The following CACNA2D1 variants were observed in gnomAD, a reference collection of about 807,000 sequenced individuals.
CACNA2D1 encodes the protein voltage-dependent calcium channel subunit alpha-2/delta-1.
Under a neutral mutation model 171.5 loss-of-function variants are expected in CACNA2D1, and 53 were observed. The observed-to-expected ratio is 0.31, with a 90% confidence interval of 0.25 to 0.39. The LOEUF (loss-of-function observed/expected upper bound fraction) is 0.39. Among genes scored for constraint, CACNA2D1 ranks in the 10% least tolerant of loss-of-function variants. The probability of loss-of-function intolerance (pLI) is 1.00; values close to 1 mark genes in which losing one functional copy is unlikely to be tolerated. For synonymous variants in CACNA2D1, 442 were observed against 443.1 expected (o/e 1.00, Z 0.03); for missense variants, 903 against 1,299.8 (o/e 0.69, Z 4.69).
At chr7:82,095,989 A>G (rs1393971588) in intron 6 of CACNA2D1, among the ~76,000 whole-genome samples, 1 of 152,240 alleles carries the variant, frequency 6.6e-6, no homozygotes, top group Non-Finnish European at 1.5e-5. Flanking sequence ...GTCAGTGAAT[A>G]TCACTATGAA....
chr7:82,326,375 G>T (rs1184707373), intron 3 of CACNA2D1, among the ~76,000 whole-genome samples: 1 of 152,144 alleles, frequency 6.6e-6, no homozygotes, highest in Non-Finnish European at 1.5e-5. Flanking sequence ...GATGTTAAGT[G>T]AGAACTTACT....
chr7:82,349,726 G>A (rs920930384), intron 1 of CACNA2D1, 77 bp from the exon 2 acceptor site: 9 of 1,102,966 alleles, frequency 8.2e-6, no homozygotes, highest in Admixed American at 3.4e-5. Flanking sequence ...TTATATCCAC[G>A]CTACAGATAA....
intron 6 of CACNA2D1, among the ~76,000 whole-genome samples, chr7:82,086,830 A>G (rs1463910129): frequency 6.6e-6 from 1 of 152,066 alleles, no homozygotes; most frequent in Admixed American, 6.6e-5. Context: ...GTTTTGTTTG[A>G]TAACTCAACA....
At chr7:82,118,426 C>A (rs1272300094) in intron 5 of CACNA2D1, among the ~76,000 whole-genome samples, 2 of 151,946 alleles carry the variant, frequency 1.3e-5, no homozygotes, top group Non-Finnish European at 2.9e-5. Flanking sequence ...GAGAAAAAAT[C>A]CTATTTGTTT....
chr7:82,075,493 C>T (rs1206976477), intron 7 of CACNA2D1, among the ~76,000 whole-genome samples: 1 of 152,130 alleles, frequency 6.6e-6, no homozygotes, highest in Non-Finnish European at 1.5e-5. Context: ...GGAGGATTTA[C>T]TGGGAAATGA....
rs537162349 is a variant in CACNA2D1 at position 81,978,960 on chromosome 7, C to T, written c.1955+3607G>A. Among the ~76,000 whole-genome samples, 29 of 150,438 alleles carry T rather than the reference C, an allele frequency of 1.9e-4. No individual in the cohort carries two copies. In the East Asian group the frequency reaches 5.1e-3, roughly 27 times the overall value. On this transcript the variant is annotated intron_variant, in intron 24 of 38. Transcript: ENST00000356860. ...CTTCCCTAAACACGTAAGTAAATTT[C>T]GATCTTCTAGTCAGCTGTATTGATA...
chr7:82,433,126 T>C (rs1238351222), intron 1 of CACNA2D1, among the ~76,000 whole-genome samples: 1 of 151,484 alleles, frequency 6.6e-6, no homozygotes, highest in Non-Finnish European at 1.5e-5. Context: ...AGGCAGAGAT[T>C]GCAGTGAGCT....
At chr7:82,027,272 T>C (rs1330384358) in intron 12 of CACNA2D1, among the ~76,000 whole-genome samples, 4 of 151,754 alleles carry the variant, frequency 2.6e-5, no homozygotes, top group Admixed American at 6.6e-5. Context: ...TGTGATTGCA[T>C]GCCTGTACCT....
intron 7 of CACNA2D1, among the ~76,000 whole-genome samples, chr7:82,082,606 A>G (rs75665538): frequency 0.017 from 2,622 of 151,774 alleles, 57 homozygotes; most frequent in African/African-American, 0.054. Flanking sequence ...AGCACATCAA[A>G]CAAGAAGGGA....
At chr7:82,070,070 T>G (rs1297407793) in intron 7 of CACNA2D1, among the ~76,000 whole-genome samples, 1 of 152,172 alleles carries the variant, frequency 6.6e-6, no homozygotes, top group Non-Finnish European at 1.5e-5. Context: ...ATTATTTCAC[T>G]AAATGTGTAC....
chr7:82,131,504 T>C (rs1453524429), intron 5 of CACNA2D1, among the ~76,000 whole-genome samples: 6 of 152,216 alleles, frequency 3.9e-5, no homozygotes, highest in Admixed American at 2.6e-4. Flanking sequence ...TCATTCTTTA[T>C]ACAAATAAAC....
chr7:82,280,552 C>T (rs1809957340), intron 3 of CACNA2D1, among the ~76,000 whole-genome samples: 1 of 152,176 alleles, frequency 6.6e-6, no homozygotes, highest in Non-Finnish European at 1.5e-5. Context: ...TTCACCATTA[C>T]ATGAAATTTA....
In CACNA2D1 at chr7:82,443,684, T is replaced by C. The variant is rs1585986424; in HGVS notation, c.-225A>G. On this transcript the variant is annotated 5_prime_UTR_variant, in exon 1 of 39. Transcript: ENST00000356860. The stretch of plus-strand genomic sequence containing the variant: ...GGCGGACCCACTAGCGTGCGTCGGC[T>C]GCTCCGCGCCGCGGCCGCCTTGCCT... 3.2e-6 allele frequency: 4 copies of C among 1,237,004 alleles called. No individual in the cohort carries two copies. The highest frequency in any genetic ancestry group is 4.0e-6 in the Non-Finnish European group (4 of 992,768). The allele number at this position is 1,237,004 out of a possible 1,614,324, so 76.6% of individuals were successfully genotyped here. A position where few individuals can be genotyped will look rare whatever the true frequency, so the allele number is the denominator to read the frequency against.
chr7:82,003,616 T>C (rs567572612), intron 18 of CACNA2D1, among the ~76,000 whole-genome samples: 1 of 150,176 alleles, frequency 6.7e-6, no homozygotes, highest in African/African-American at 2.4e-5. Context: ...TATATAGATA[T>C]ATATATATAA....
At chr7:82,406,356 T>A (rs1827042690) in intron 1 of CACNA2D1, among the ~76,000 whole-genome samples, 2 of 152,222 alleles carry the variant, frequency 1.3e-5, no homozygotes, top group Admixed American at 6.5e-5. Context: ...TAAACATACA[T>A]GTGCATGTGT....
chr7:81,985,575 T>G (rs889997386), intron 21 of CACNA2D1, among the ~76,000 whole-genome samples: 2 of 152,184 alleles, frequency 1.3e-5, no homozygotes, highest in African/African-American at 4.8e-5. Context: ...TTGGGCAAGT[T>G]CTCTAGTACT....
intron 3 of CACNA2D1, among the ~76,000 whole-genome samples, chr7:82,291,698 T>G (rs1811655803): frequency 6.7e-6 from 1 of 149,666 alleles, no homozygotes; most frequent in African/African-American, 2.5e-5. Flanking sequence ...AGAGACGTGG[T>G]CTCACTATGT....
intron 3 of CACNA2D1, among the ~76,000 whole-genome samples, chr7:82,234,796 A>C (rs368205157): frequency 1.3e-5 from 2 of 152,202 alleles, no homozygotes; most frequent in Admixed American, 1.3e-4. Flanking sequence ...TATGAAACAC[A>C]TGGGTTTTCC....
chr7:82,185,305 C>T (rs889064326), intron 3 of CACNA2D1, among the ~76,000 whole-genome samples: 9 of 150,040 alleles, frequency 6.0e-5, no homozygotes, highest in South Asian at 2.1e-4. Flanking sequence ...TCCACCACTT[C>T]GCTGCAGCAT....
Sources: gnomAD v4.1 joint callset for allele counts (sites outside exome capture counted in the v4.1 genomes callset) on GRCh38, gnomAD v4.1.1 for gene constraint, MANE v1.5 for transcripts, NCBI Gene and HGNC (gene_info 2026-07-23, HGNC 2026-07-21) for gene names.